Variants in AGBL4 observed in about 807,000 individuals in gnomAD.
AGBL4 encodes the protein cytosolic carboxypeptidase 6.
Under a neutral mutation model 66.4 loss-of-function variants are expected in AGBL4, and 58 were observed. That is an observed-to-expected ratio of 0.87 (90% CI 0.71 to 1.09). The LOEUF is 1.09. Among genes scored for constraint, AGBL4 ranks in the 50% least tolerant of loss-of-function variants. The probability of loss-of-function intolerance (pLI) is 0.00; values close to 1 mark genes in which losing one functional copy is unlikely to be tolerated. For synonymous variants in AGBL4, 234 were observed against 222.9 expected, an observed-to-expected ratio of 1.05 and a Z score of -0.44; for missense variants, 579 against 631.0, an observed-to-expected ratio of 0.92 and a Z score of 0.88.
At chr1:49,985,567 A>G (rs1659431768) in intron 1 of AGBL4, among the ~76,000 whole-genome samples, 1 of 152,214 alleles carries the variant, frequency 6.6e-6, no homozygotes, top group Admixed American at 6.5e-5. Flanking sequence ...TTGTTGTTCT[A>G]TAGATGAGAG....
chr1:49,726,955 C>G (rs1649077488), intron 2 of AGBL4, among the ~76,000 whole-genome samples: 1 of 151,956 alleles, frequency 6.6e-6, no homozygotes, highest in South Asian at 2.1e-4. Flanking sequence ...CTCTTTTGAC[C>G]CAACTCAGGT....
In AGBL4 at chr1:48,893,705, A is replaced by AATAAATAAATAAATAAATAAAT. The variant is rs1553120621; in HGVS notation, c.595-26476_595-26475insATTTATTTATTTATTTATTTAT. The stretch of plus-strand genomic sequence containing the variant: ...GTCTCAAAAAATAAATAAATAAATA[A>AATAAATAAATAAATAAATAAAT]AAAGATAAAAAAGACTCCAGAGAGC... On this transcript the variant is annotated intron_variant, in intron 5 of 13. Coordinates refer to ENST00000371839, the MANE Select transcript of AGBL4 (RefSeq NM_032785.4). Among the ~76,000 whole-genome samples the AATAAATAAATAAATAAATAAAT allele has an allele frequency of 1.8e-3, 272 of 148,418 alleles. 3 individuals are homozygous for AATAAATAAATAAATAAATAAAT. In the Middle Eastern group the frequency reaches 0.02, roughly 11 times the overall value.
At chr1:49,536,080 T>C (rs570128130) in intron 3 of AGBL4, among the ~76,000 whole-genome samples, 28 of 152,384 alleles carry the variant, frequency 1.8e-4, no homozygotes, top group African/African-American at 6.5e-4. Flanking sequence ...TTACAAGTCA[T>C]AAAATATTTA....
intron 4 of AGBL4, among the ~76,000 whole-genome samples, chr1:49,101,920 T>C (rs1028223318): frequency 6.6e-6 from 1 of 151,988 alleles, no homozygotes; most frequent in Non-Finnish European, 1.5e-5. Context: ...AGCTTACTAG[T>C]GAGAAGTCCT....
At chr1:49,436,095 T>C (rs1401832496) in intron 3 of AGBL4, among the ~76,000 whole-genome samples, 1 of 152,056 alleles carries the variant, frequency 6.6e-6, no homozygotes, top group East Asian at 1.9e-4. Flanking sequence ...ACAATAAGGA[T>C]CAAGGATTGC....
intron 5 of AGBL4, among the ~76,000 whole-genome samples, chr1:48,917,872 G>T (rs1243170821): frequency 6.6e-6 from 1 of 152,186 alleles, no homozygotes; most frequent in Non-Finnish European, 1.5e-5. Context: ...ATCACCTCCA[G>T]GGGATGATTA....
intron 2 of AGBL4, among the ~76,000 whole-genome samples, chr1:49,698,237 C>A (rs1364570836): frequency 6.6e-6 from 1 of 150,914 alleles, no homozygotes; most frequent in African/African-American, 2.5e-5. Flanking sequence ...ATTCACTTAA[C>A]CTCTTCCAAC....
At chr1:49,257,067 C>T (rs879014233) in intron 3 of AGBL4, among the ~76,000 whole-genome samples, 3 of 146,940 alleles carry the variant, frequency 2.0e-5, no homozygotes, top group Admixed American at 2.0e-4. Flanking sequence ...AGCACAGAAG[C>T]ATTAATTATG....
chr1:49,080,628 A>G (rs1461492809), intron 4 of AGBL4, among the ~76,000 whole-genome samples: 6 of 139,242 alleles, frequency 4.3e-5, no homozygotes, highest in African/African-American at 1.5e-4. Flanking sequence ...AAAGTTAGAG[A>G]GAGGAATAGG....
intron 3 of AGBL4, among the ~76,000 whole-genome samples, chr1:49,619,794 C>T (rs1350520092): frequency 6.6e-6 from 1 of 152,092 alleles, no homozygotes; most frequent in Admixed American, 6.6e-5. Context: ...TGGAACAGAA[C>T]AGAGGCCTCA....
At chr1:48,844,078 C>A (rs1344865260) in intron 6 of AGBL4, among the ~76,000 whole-genome samples, 2 of 152,186 alleles carry the variant, frequency 1.3e-5, no homozygotes, top group African/African-American at 4.8e-5. Flanking sequence ...CCAACACCAG[C>A]CATGCTGGTC....
At chr1:49,634,442 T>C (rs940273433) in intron 3 of AGBL4, among the ~76,000 whole-genome samples, 14 of 152,206 alleles carry the variant, frequency 9.2e-5, no homozygotes, top group Non-Finnish European at 2.1e-4. Context: ...ATATGCCACA[T>C]CTTCTTTATC....
chr1:49,739,155 G>C (rs1337511660), intron 2 of AGBL4, among the ~76,000 whole-genome samples: 1 of 152,124 alleles, frequency 6.6e-6, no homozygotes, highest in Non-Finnish European at 1.5e-5. Flanking sequence ...TAAAAACCTT[G>C]AAAAACGATG....
At chr1:48,895,328 T>C (rs907414059) in intron 5 of AGBL4, among the ~76,000 whole-genome samples, 6 of 152,240 alleles carry the variant, frequency 3.9e-5, no homozygotes, top group African/African-American at 1.4e-4. Context: ...GCCATGATCT[T>C]CCTGCACTTT....
intron 9 of AGBL4, among the ~76,000 whole-genome samples, chr1:48,617,229 T>C (rs941645048): frequency 6.6e-5 from 10 of 152,196 alleles, no homozygotes; most frequent in African/African-American, 2.4e-4. Context: ...CTTCTGAAAT[T>C]AACTTTCTAA....
chr1:50,020,786 A>G (rs1662389153), intron 1 of AGBL4, among the ~76,000 whole-genome samples: 2 of 152,362 alleles, frequency 1.3e-5, no homozygotes, highest in South Asian at 4.1e-4. Flanking sequence ...AGACTGAAGT[A>G]AAATGTATAA....
chr1:49,168,282 G>T (rs1002062811), intron 4 of AGBL4, among the ~76,000 whole-genome samples: 3 of 152,128 alleles, frequency 2.0e-5, no homozygotes, highest in Admixed American at 1.3e-4. Flanking sequence ...AAGTAGAATT[G>T]CTGGCTATTA....
chr1:48,606,489 A>G (rs1645155756), intron 9 of AGBL4, among the ~76,000 whole-genome samples: 1 of 152,230 alleles, frequency 6.6e-6, no homozygotes, highest in South Asian at 2.1e-4. Context: ...GAATTCAGGA[A>G]AAACATCATA....
At chr1:48,554,006 T>G (rs1321179977) in intron 11 of AGBL4, among the ~76,000 whole-genome samples, 1 of 152,138 alleles carries the variant, frequency 6.6e-6, no homozygotes, top group Non-Finnish European at 1.5e-5. Flanking sequence ...CAAAGAACAG[T>G]GCAGCAAAGA....
Sources: gnomAD v4.1 joint callset for allele counts (sites outside exome capture counted in the v4.1 genomes callset) on GRCh38, gnomAD v4.1.1 for gene constraint, MANE v1.5 for transcripts, NCBI Gene and HGNC (gene_info 2026-07-23, HGNC 2026-07-21) for gene names.